AKAP19: variants seen among roughly 807,000 people sequenced by gnomAD.
AKAP19 encodes the protein A-kinase anchoring protein 19, also known as small A-kinase anchoring protein.
the AKAP19 span, among the ~76,000 whole-genome samples, chr2:190,019,326 G>A: frequency 0.012 from 1,882 of 152,150 alleles, 16 homozygotes; most frequent in Non-Finnish European, 0.018. Context: ...CACTTCCATG[G>A]GGGCAGATCT....
At chr2:189,947,454 G>A in the AKAP19 span, among the ~76,000 whole-genome samples, 1 of 151,826 alleles carries the variant, frequency 6.6e-6, no homozygotes. Context: ...ATTTATTCTA[G>A]CACTAGTAAC....
At chr2:190,038,962 T>G in the AKAP19 span, among the ~76,000 whole-genome samples, 3 of 145,618 alleles carry the variant, frequency 2.1e-5, no homozygotes, top group Non-Finnish European at 4.5e-5. Flanking sequence ...CTTCTTCTTC[T>G]TCTTCTTCTT....
At chr2:189,975,716 G>T in the AKAP19 span, among the ~76,000 whole-genome samples, 3 of 151,496 alleles carry the variant, frequency 2.0e-5, no homozygotes, top group Non-Finnish European at 4.4e-5. Context: ...TTCTCTTCTC[G>T]CTTCATTTCA....
the AKAP19 span, among the ~76,000 whole-genome samples, chr2:190,083,520 C>T: frequency 7.0e-6 from 1 of 143,432 alleles, no homozygotes. Context: ...TCCATTTGAC[C>T]TTTGTGAAAA....
At chr2:190,022,531 A>G in the AKAP19 span, among the ~76,000 whole-genome samples, 1 of 152,080 alleles carries the variant, frequency 6.6e-6, no homozygotes, top group Non-Finnish European at 1.5e-5. Flanking sequence ...ACATTCATTG[A>G]TTTGTTTTAA....
At chr2:190,101,373 C>G in the AKAP19 span, among the ~76,000 whole-genome samples, 1 of 152,208 alleles carries the variant, frequency 6.6e-6, no homozygotes, top group Non-Finnish European at 1.5e-5. Flanking sequence ...TGGAACCAGT[C>G]TGTGTGTGCC....
the AKAP19 span, among the ~76,000 whole-genome samples, chr2:189,897,747 A>G: frequency 6.6e-6 from 1 of 152,226 alleles, no homozygotes; most frequent in Non-Finnish European, 1.5e-5. Flanking sequence ...AAATTAATTA[A>G]ATTAATGAAA....
the AKAP19 span, among the ~76,000 whole-genome samples, chr2:189,962,690 C>A: frequency 6.6e-6 from 1 of 152,046 alleles, no homozygotes; most frequent in East Asian, 1.9e-4. Context: ...ACTTTTTAAT[C>A]ACTGTATTTT....
chr2:190,191,798 T>C, the AKAP19 span, among the ~76,000 whole-genome samples: 1 of 152,254 alleles, frequency 6.6e-6, no homozygotes, highest in East Asian at 1.9e-4. Context: ...TCAAATCTCG[T>C]TTTCTAAACT....
the AKAP19 span, among the ~76,000 whole-genome samples, chr2:190,002,583 C>A: frequency 6.6e-6 from 1 of 151,594 alleles, no homozygotes; most frequent in African/African-American, 2.4e-5. Context: ...AGAAAAAAAA[C>A]AGAATTCATG....
the AKAP19 span, among the ~76,000 whole-genome samples, chr2:189,950,782 A>G: frequency 6.6e-6 from 1 of 152,114 alleles, no homozygotes. Flanking sequence ...AGTTCCCCCA[A>G]AGACTTTACA....
chr2:190,121,994 A>G, the AKAP19 span, among the ~76,000 whole-genome samples: 2 of 152,322 alleles, frequency 1.3e-5, no homozygotes, highest in African/African-American at 4.8e-5. Flanking sequence ...TTGAAAAACA[A>G]TGTATCTGTT....
At chr2:190,177,458 A>G in the AKAP19 span, among the ~76,000 whole-genome samples, 1 of 152,192 alleles carries the variant, frequency 6.6e-6, no homozygotes, top group African/African-American at 2.4e-5. This position sits in a 1 kb window ranked among gnomAD's most constrained non-coding sequence, Gnocchi z 4.6. Context: ...TAAGAGCCCC[A>G]GTGGCAGACA....
chr2:189,896,785 A>G, the AKAP19 span, among the ~76,000 whole-genome samples: 1 of 152,084 alleles, frequency 6.6e-6, no homozygotes, highest in Non-Finnish European at 1.5e-5. Flanking sequence ...ATGGGTCCTC[A>G]TATTACATTT....
At chr2:190,142,565 G>T in the AKAP19 span, among the ~76,000 whole-genome samples, 1 of 152,200 alleles carries the variant, frequency 6.6e-6, no homozygotes, top group Non-Finnish European at 1.5e-5. Context: ...AGCTTCTCTG[G>T]ACCAGAGGCT....
chr2:190,163,859 A>G, the AKAP19 span: 1 of 152,184 alleles, frequency 6.6e-6, no homozygotes, highest in African/African-American at 2.4e-5. Context: ...AGTTCCATGT[A>G]CTCATATGTT....
At chr2:190,093,088 A>G in the AKAP19 span, among the ~76,000 whole-genome samples, 15 of 152,246 alleles carry the variant, frequency 9.9e-5, no homozygotes, top group African/African-American at 2.9e-4. Flanking sequence ...TAGTTAGTAT[A>G]GCTATAAGTA....
the AKAP19 span, among the ~76,000 whole-genome samples, chr2:190,002,683 C>A: frequency 6.6e-6 from 1 of 152,150 alleles, no homozygotes; most frequent in Non-Finnish European, 1.5e-5. Context: ...TTTCTTAAAA[C>A]GCCTAACTGC....
chr2:189,963,361 A>AT, the AKAP19 span, among the ~76,000 whole-genome samples: 1 of 151,238 alleles, frequency 6.6e-6, no homozygotes, highest in Admixed American at 6.6e-5. Flanking sequence ...CACCTGGCTA[A>AT]TTTTTTTGTA....
Sources: allele counts gnomAD v4.1 joint callset (sites outside exome capture counted in the v4.1 genomes callset), GRCh38; gene constraint gnomAD v4.1.1; non-coding constraint Gnocchi (gnomAD v3.1); transcripts MANE v1.5; gene names NCBI Gene and HGNC (gene_info 2026-07-23, HGNC 2026-07-21).